Variants in CLMN observed in about 807,000 individuals in gnomAD.
CLMN encodes calmin (calponin-like, transmembrane).
A neutral mutation model predicts 92.7 loss-of-function variants in CLMN; 57 were observed. That is an observed-to-expected ratio of 0.61 (90% CI 0.50 to 0.77). The LOEUF (loss-of-function observed/expected upper bound fraction) is 0.77, where lower values mean the gene tolerates loss of function less well. Ranked by LOEUF, CLMN falls within the 30% of genes least tolerant of loss-of-function variation. The pLI, the probability that CLMN is intolerant of heterozygous loss-of-function variation, is 0.00. For synonymous variants in CLMN, 466 were observed against 470.6 expected, an observed-to-expected ratio of 0.99 and a Z score of 0.13; for missense variants, 1,158 against 1,237.5, an observed-to-expected ratio of 0.94 and a Z score of 0.96.
At chr14:95,212,731 G>A (rs1290647711) in intron 6 of CLMN, among the ~76,000 whole-genome samples, 2 of 151,608 alleles carry the variant, frequency 1.3e-5, no homozygotes, top group African/African-American at 2.4e-5. Context: ...TCTGCAAACT[G>A]CATTTTGTGT....
chr14:95,194,622 T>G lies in CLMN; in HGVS notation c.2709-26A>C. The G allele has an allele frequency of 6.2e-7, 1 of 1,611,108 alleles. No homozygotes were observed. Among genetic ancestry groups the G allele is most frequent in the Non-Finnish European group, 8.5e-7 (1 of 1,177,240 alleles). On this transcript the variant is annotated intron_variant, in intron 10 of 12. Transcript: ENST00000298912. This position sits in a 1 kb window ranked among gnomAD's most constrained non-coding sequence, Gnocchi z 4.0. ...CTGAAAAACAAACACATGTTTTGAA[T>G]TGGTACCACCTGGAGCTCTTCATGG... is the stretch of plus-strand genomic sequence containing the variant.
At chr14:95,241,189 T>C (rs1166926901) in intron 1 of CLMN, among the ~76,000 whole-genome samples, 3 of 152,038 alleles carry the variant, frequency 2.0e-5, no homozygotes, top group Non-Finnish European at 4.4e-5. Flanking sequence ...CATCCGTGTT[T>C]TTAAGTGCAT....
chr14:95,204,621 C>G (rs1896996387), intron 8 of CLMN, among the ~76,000 whole-genome samples, 158 bp from the exon 9 acceptor site: 1 of 152,092 alleles, frequency 6.6e-6, no homozygotes, highest in African/African-American at 2.4e-5. Context: ...CACTTCAAAC[C>G]AATGCAAAGT....
chr14:95,198,413 C>T (rs1374700910), intron 9 of CLMN, among the ~76,000 whole-genome samples: 2 of 151,778 alleles, frequency 1.3e-5, no homozygotes, highest in African/African-American at 4.8e-5. Flanking sequence ...TCCTTGTCTG[C>T]CAGGACCCAA....
At chr14:95,220,969 C>T (rs964530904) in intron 4 of CLMN, among the ~76,000 whole-genome samples, 2 of 152,188 alleles carry the variant, frequency 1.3e-5, no homozygotes, top group Admixed American at 6.5e-5. Context: ...TGTGGCTACT[C>T]GGCATATTTC....
chr14:95,284,415 C>T (rs1229687635), intron 1 of CLMN, among the ~76,000 whole-genome samples: 1 of 152,164 alleles, frequency 6.6e-6, no homozygotes, highest in Non-Finnish European at 1.5e-5. Flanking sequence ...AAAAAGAGGG[C>T]CACCATCTTC....
chr14:95,301,843 G>C (rs968131673), intron 1 of CLMN, among the ~76,000 whole-genome samples: 1 of 152,172 alleles, frequency 6.6e-6, no homozygotes, highest in South Asian at 2.1e-4. Context: ...CCTCCAACCA[G>C]ACAATTCACT....
chr14:95,219,807 A>T (rs554697223), intron 4 of CLMN, among the ~76,000 whole-genome samples: 63 of 152,228 alleles, frequency 4.1e-4, no homozygotes, highest in Non-Finnish European at 6.5e-4. Context: ...ATGAGCTATA[A>T]CTCACATCCC....
At chr14:95,263,524 A>T (rs1402894341) in intron 1 of CLMN, among the ~76,000 whole-genome samples, 1 of 152,148 alleles carries the variant, frequency 6.6e-6, no homozygotes, top group Non-Finnish European at 1.5e-5. Context: ...CACCTAGCAA[A>T]AGGGTTCCGG....
chr14:95,214,739 A>AT (rs112360886), intron 5 of CLMN, among the ~76,000 whole-genome samples: 31,424 of 147,074 alleles, frequency 0.21, 3,665 homozygotes, highest in Non-Finnish European at 0.27. Context: ...GAGAGACAGT[A>AT]TTTTTTTTTT....
At chr14:95,278,491 A>C (rs1286933095) in intron 1 of CLMN, among the ~76,000 whole-genome samples, 1 of 152,112 alleles carries the variant, frequency 6.6e-6, no homozygotes, top group Non-Finnish European at 1.5e-5. Flanking sequence ...TCCTGGCAAA[A>C]AAGGGAGAAG....
intron 1 of CLMN, among the ~76,000 whole-genome samples, chr14:95,250,839 T>C (rs938985247): frequency 6.6e-6 from 1 of 152,116 alleles, no homozygotes; most frequent in Non-Finnish European, 1.5e-5. Flanking sequence ...GCTTGGGGCC[T>C]CTGAAAAACA....
intron 7 of CLMN, 75 bp from the exon 8 acceptor site, chr14:95,209,552 G>T: frequency 8.7e-7 from 1 of 1,144,414 alleles, no homozygotes; most frequent in South Asian, 1.2e-5. Context: ...GATGCCTGAT[G>T]GTGAAGAATC....
chr14:95,216,009 A>G (rs1321615619), intron 4 of CLMN, among the ~76,000 whole-genome samples: 3 of 152,206 alleles, frequency 2.0e-5, no homozygotes, highest in Non-Finnish European at 4.4e-5. Flanking sequence ...TATTCTCACA[A>G]TAAACCTATG....
intron 9 of CLMN, among the ~76,000 whole-genome samples, chr14:95,198,479 G>A (rs1896787352): frequency 1.3e-5 from 2 of 151,828 alleles, no homozygotes; most frequent in African/African-American, 4.8e-5. Flanking sequence ...CTCCCCCTAC[G>A]CTCACCCACA....
intron 1 of CLMN, among the ~76,000 whole-genome samples, chr14:95,286,812 C>T (rs900782083): frequency 2.6e-5 from 4 of 152,174 alleles, no homozygotes; most frequent in East Asian, 1.9e-4. Flanking sequence ...ACGTGTCTCA[C>T]GGTAGATCAG....
In CLMN at chr14:95,298,933, TG is replaced by T. The variant is rs200587358; in HGVS notation, c.82+20777del. Among the ~76,000 whole-genome samples, 1,261 of 152,356 alleles carry T rather than the reference TG, an allele frequency of 8.3e-3. 12 individuals are homozygous for T. Among genetic ancestry groups the T allele is most frequent in the African/African-American group, 0.029 (1,194 of 41,588 alleles). ...TTGCAAGCAATATTTTACAAGCGTC[TG>T]TGTTACCACCAGGTTCCAGTTACTT... On this transcript the variant is annotated intron_variant, in intron 1 of 12. Coordinates refer to ENST00000298912, the MANE Select transcript of CLMN (RefSeq NM_024734.4).
chr14:95,235,875 G>A (rs1036325568), intron 1 of CLMN, among the ~76,000 whole-genome samples: 14 of 152,244 alleles, frequency 9.2e-5, no homozygotes, highest in East Asian at 3.9e-4. Flanking sequence ...CCAGACGTTC[G>A]GGCATGCAGG....
chr14:95,204,050 G>T lies in CLMN; in HGVS notation c.1299C>A (p.Tyr433Ter), dbSNP rs141550341. ...KKTVHFEADT[Y>*]KDPFCSKNLS... ...GGTTCTTACTGCAGAAAGGATCCTT[G>T]TAGGTGTCAGCCTCAAAGTGAACTG... The change falls in exon 9 of 13, where the codon TAC (tyrosine) becomes TAA (stop). Residue 433 changes from tyrosine (Y) to a stop codon, truncating the protein, a stop_gained. Coordinates refer to ENST00000298912, the MANE Select transcript of CLMN (RefSeq NM_024734.4). LOFTEE classifies it high-confidence loss of function. The T allele has an allele frequency of 6.2e-7, 1 of 1,614,190 alleles. No individual in the cohort carries two copies. The highest frequency in any genetic ancestry group is 2.2e-5 in the East Asian group (1 of 44,888).
Sources: allele counts gnomAD v4.1 joint callset (sites outside exome capture counted in the v4.1 genomes callset), GRCh38; gene constraint gnomAD v4.1.1; non-coding constraint Gnocchi (gnomAD v3.1); transcripts MANE v1.5; gene names NCBI Gene and HGNC (gene_info 2026-07-23, HGNC 2026-07-21).